The following RGS7 variants were observed in gnomAD, a reference collection of about 807,000 sequenced individuals.
RGS7 encodes the protein regulator of G-protein signaling 7.
A neutral mutation model predicts 81.1 loss-of-function variants in RGS7; 27 were observed. The observed-to-expected ratio is 0.33, with a 90% CI of 0.25 to 0.46. The LOEUF (loss-of-function observed/expected upper bound fraction) is 0.46. Among genes scored for constraint, RGS7 ranks in the 20% least tolerant of loss-of-function variants. The pLI is 1.00. For missense variants in RGS7, 396 were observed against 607.4 expected, an observed-to-expected ratio of 0.65 and a Z score of 3.66; for synonymous variants, 208 against 207.7, an observed-to-expected ratio of 1.00 and a Z score of -0.01.
intron 4 of RGS7, among the ~76,000 whole-genome samples, chr1:240,964,834 T>C (rs555890068): frequency 6.6e-6 from 1 of 152,274 alleles, no homozygotes; most frequent in African/African-American, 2.4e-5. Context: ...AGACATCAAA[T>C]CTATTTTTTA....
intron 2 of RGS7, among the ~76,000 whole-genome samples, chr1:241,250,369 C>G (rs2076769524): frequency 1.3e-5 from 2 of 152,104 alleles, no homozygotes; most frequent in African/African-American, 2.4e-5. Context: ...GTAATCGATT[C>G]TTCATTTATA....
intron 4 of RGS7, among the ~76,000 whole-genome samples, chr1:240,966,083 C>T (rs1419557990): frequency 6.6e-6 from 1 of 152,106 alleles, no homozygotes; most frequent in East Asian, 1.9e-4. Context: ...CAACCACCTA[C>T]CATCTTTGTC....
At chr1:241,129,704 A>G (rs2066940231) in intron 2 of RGS7, among the ~76,000 whole-genome samples, 1 of 152,120 alleles carries the variant, frequency 6.6e-6, no homozygotes, top group South Asian at 2.1e-4. Context: ...AGTTTATTAA[A>G]CGAGATTTCT....
chr1:240,811,402 T>C (rs1689826139), intron 14 of RGS7, among the ~76,000 whole-genome samples: 1 of 152,248 alleles, frequency 6.6e-6, no homozygotes, highest in Admixed American at 6.5e-5. Flanking sequence ...CACGAACAGC[T>C]CAATGCTGTG....
At chr1:240,914,464 A>G (rs918370803) in intron 6 of RGS7, among the ~76,000 whole-genome samples, 3 of 152,116 alleles carry the variant, frequency 2.0e-5, no homozygotes, top group African/African-American at 7.2e-5. Context: ...CATGACACTA[A>G]TGGCTGGATT....
intron 2 of RGS7, among the ~76,000 whole-genome samples, chr1:241,253,722 T>G (rs56725227): frequency 0.012 from 1,787 of 152,290 alleles, 16 homozygotes; most frequent in African/African-American, 0.025. Flanking sequence ...GAGAACAATG[T>G]TGAAAAGTTC....
chr1:241,356,740 G>A (rs1416213070), intron 1 of RGS7, among the ~76,000 whole-genome samples, 159 bp downstream of exon 1: 3 of 149,996 alleles, frequency 2.0e-5, no homozygotes, highest in Admixed American at 1.3e-4. Flanking sequence ...CGCGGGGTGC[G>A]CGCGGCGCCC....
rs149368085 is a variant in RGS7, at chr1:240,821,320, C to T, written c.685-4905G>A. 3.6e-3 allele frequency among the ~76,000 whole-genome samples: 544 copies of T among 152,238 alleles called. 2 individuals are homozygous for T. The highest frequency in any genetic ancestry group is 0.012 in the African/African-American group (512 of 41,542). On this transcript the variant is annotated intron_variant, in intron 10 of 18. Transcript: ENST00000440928. ...ATACAAAATGAGCAGGGTGTGGTGG[C>T]ACATGCCTGTAGTCCCAGCTACTTG...
chr1:241,030,928 C>T (rs1406892530), intron 3 of RGS7, among the ~76,000 whole-genome samples: 1 of 152,084 alleles, frequency 6.6e-6, no homozygotes, highest in Non-Finnish European at 1.5e-5. Flanking sequence ...AGTGCCCTGC[C>T]CCAAAACACC....
At chr1:241,307,809 A>G (rs2080269030) in intron 2 of RGS7, among the ~76,000 whole-genome samples, 1 of 152,004 alleles carries the variant, frequency 6.6e-6, no homozygotes, top group African/African-American at 2.4e-5. Context: ...TGAATGAATG[A>G]ATGAATGAGA....
intron 3 of RGS7, among the ~76,000 whole-genome samples, chr1:240,984,611 A>T (rs1685394262): frequency 6.6e-6 from 1 of 152,212 alleles, no homozygotes; most frequent in Non-Finnish European, 1.5e-5. Context: ...AAATAGGAAA[A>T]ATATGTATGT....
At chr1:241,189,049 A>G (rs2072378150) in intron 2 of RGS7, among the ~76,000 whole-genome samples, 2 of 152,030 alleles carry the variant, frequency 1.3e-5, no homozygotes, top group South Asian at 4.2e-4. Context: ...GTCATAGCTC[A>G]CTGTGGTCTC....
At chr1:241,209,688 T>C (rs912183341) in intron 2 of RGS7, among the ~76,000 whole-genome samples, 1 of 151,866 alleles carries the variant, frequency 6.6e-6, no homozygotes, top group African/African-American at 2.4e-5. Flanking sequence ...ATTTTAAAAA[T>C]TAGCTGGGCA....
At chr1:240,911,015 A>G (rs984898422) in intron 6 of RGS7, among the ~76,000 whole-genome samples, 11 of 152,024 alleles carry the variant, frequency 7.2e-5, no homozygotes, top group African/African-American at 2.7e-4. Flanking sequence ...TTAAAAAAAA[A>G]TTTTTTTTAA....
intron 2 of RGS7, among the ~76,000 whole-genome samples, chr1:241,348,014 C>G (rs2083012031): frequency 6.6e-6 from 1 of 152,100 alleles, no homozygotes; most frequent in African/African-American, 2.4e-5. Context: ...TGTTCAAAGT[C>G]CTTTACTTCC....
At chr1:241,326,873 G>A (rs987962331) in intron 2 of RGS7, among the ~76,000 whole-genome samples, 5 of 149,382 alleles carry the variant, frequency 3.3e-5, no homozygotes, top group Admixed American at 1.3e-4. Flanking sequence ...TCATGGAACA[G>A]CTCCCCAGCC....
chr1:241,268,301 C>T (rs2077695605), intron 2 of RGS7, among the ~76,000 whole-genome samples: 1 of 152,204 alleles, frequency 6.6e-6, no homozygotes, highest in African/African-American at 2.4e-5. Flanking sequence ...TGTCTCTTCA[C>T]CCTAGAACAG....
At chr1:241,201,945 A>C (rs1311414974) in intron 2 of RGS7, among the ~76,000 whole-genome samples, 1 of 151,698 alleles carries the variant, frequency 6.6e-6, no homozygotes, top group East Asian at 1.9e-4. Flanking sequence ...GCAAGCTCTC[A>C]GCTGAGAATG....
intron 3 of RGS7, among the ~76,000 whole-genome samples, chr1:241,038,768 A>G (rs2060455729): frequency 1.3e-5 from 2 of 152,094 alleles, no homozygotes; most frequent in Admixed American, 1.3e-4. Flanking sequence ...AGGTGGGAGG[A>G]CTGCTTAAGA....
Sources: allele counts gnomAD v4.1 joint callset (sites outside exome capture counted in the v4.1 genomes callset), GRCh38; gene constraint gnomAD v4.1.1; transcripts MANE v1.5; gene names NCBI Gene and HGNC (gene_info 2026-07-23, HGNC 2026-07-21).